The following DMD variants were observed in gnomAD, a reference collection of about 807,000 sequenced individuals.
DMD encodes the protein dystrophin.
DMD carries 63 observed loss-of-function variants against 330.1 expected under a neutral mutation model. The ratio of observed to expected loss-of-function variants is 0.19; its 90% CI spans 0.16 to 0.24. The LOEUF (loss-of-function observed/expected upper bound fraction) is 0.24. DMD is among the 10% of genes least tolerant of loss of function. The pLI, the probability that DMD is intolerant of heterozygous loss-of-function variation, is 1.00. For missense variants in DMD, 3,344 were observed against 2,684.1 expected (o/e 1.25, Z -5.43); for synonymous variants, 1,223 against 959.8 (o/e 1.27, Z -5.07).
rs749724608 is a variant in DMD, at chrX:32,977,165, T to C, written c.93+42974A>G. ...AAATACAAAAATTAACCGGGCATGG[T>C]GGCACACCCCTATAGTCCCAGCTGC... is the stretch of plus-strand genomic sequence containing the variant. On this transcript the variant is annotated intron_variant, in intron 2 of 78. Transcript: ENST00000357033. Among the ~76,000 whole-genome samples, 121 of 109,905 alleles carry C rather than the reference T, an allele frequency of 1.1e-3. 1 individual carries two copies. The highest frequency in any genetic ancestry group is 1.6e-3 in the Non-Finnish European group (85 of 52,791).
chrX:32,563,911 T>C (rs147292487), intron 16 of DMD, among the ~76,000 whole-genome samples: 1,745 of 111,680 alleles, frequency 0.016, 41 homozygotes, highest in African/African-American at 0.052. Flanking sequence ...GTTTGTTACA[T>C]AGGTAAATGT....
At chrX:32,496,256 G>T in intron 19 of DMD, among the ~76,000 whole-genome samples, 1 of 111,516 alleles carries the variant, frequency 9.0e-6, no homozygotes, top group Middle Eastern at 4.6e-3. Context: ...AGAATATTTG[G>T]AATAGAAACT....
chrX:32,365,414 A>G (rs1295084224), intron 34 of DMD, among the ~76,000 whole-genome samples: 11 of 111,092 alleles, frequency 9.9e-5, no homozygotes, highest in Non-Finnish European at 1.9e-5. Flanking sequence ...TTCATGTCTT[A>G]TTTTTCATTA....
At chrX:32,554,158 G>A (rs188224817) in intron 16 of DMD, among the ~76,000 whole-genome samples, 2 of 111,964 alleles carry the variant, frequency 1.8e-5, no homozygotes, top group East Asian at 5.7e-4. Flanking sequence ...GAAATTTATA[G>A]CACTAAATGC....
At chrX:32,402,983 GACTAA>G (rs1476480788) in intron 30 of DMD, among the ~76,000 whole-genome samples, 1 of 111,639 alleles carries the variant, frequency 9.0e-6, no homozygotes, top group Non-Finnish European at 1.9e-5. Context: ...CATACTTAGT[GACTAA>G]ACCTCAGTGG....
chrX:32,357,474 T>A (rs2097806752), intron 37 of DMD, among the ~76,000 whole-genome samples: 1 of 111,312 alleles, frequency 9.0e-6, no homozygotes, highest in South Asian at 3.8e-4. Flanking sequence ...TTCACCCAAG[T>A]GCATACAAAA....
intron 2 of DMD, among the ~76,000 whole-genome samples, chrX:32,891,745 AC>A (rs1165059916): frequency 8.9e-6 from 1 of 111,983 alleles, no homozygotes; most frequent in Non-Finnish European, 1.9e-5. Context: ...TACATTATGT[AC>A]CCATTAGTAT....
intron 2 of DMD, among the ~76,000 whole-genome samples, chrX:32,936,663 C>T (rs966297556): frequency 1.8e-5 from 2 of 111,835 alleles, no homozygotes; most frequent in South Asian, 3.7e-4. Context: ...CAAGCACATC[C>T]TCAGATAACT....
chrX:31,472,826 G>A (rs1372441564), intron 59 of DMD, among the ~76,000 whole-genome samples: 3 of 112,190 alleles, frequency 2.7e-5, no homozygotes, highest in Non-Finnish European at 3.8e-5. Context: ...GAACTTTAAA[G>A]AAAAAACTCA....
chrX:31,525,931 C>T (rs758013751), intron 55 of DMD, among the ~76,000 whole-genome samples: 6 of 112,401 alleles, frequency 5.3e-5, no homozygotes, highest in Admixed American at 9.4e-5. Context: ...GAAAAGACAA[C>T]ACCATTCTCA....
At chrX:32,694,838 T>G (rs1229033812) in intron 9 of DMD, among the ~76,000 whole-genome samples, 2 of 110,854 alleles carry the variant, frequency 1.8e-5, no homozygotes, top group East Asian at 2.8e-4. Flanking sequence ...GTATTTTTAG[T>G]AGAGATGGGG....
At chrX:32,492,870 A>G (rs1335748915) in intron 19 of DMD, among the ~76,000 whole-genome samples, 2 of 112,098 alleles carry the variant, frequency 1.8e-5, no homozygotes, top group Non-Finnish European at 3.8e-5. Context: ...GTACCTACAG[A>G]GATCTCAAAA....
chrX:31,997,566 T>C (rs1220307011), intron 44 of DMD, among the ~76,000 whole-genome samples: 1 of 111,000 alleles, frequency 9.0e-6, no homozygotes, highest in African/African-American at 3.3e-5. Context: ...CTTTTTGTAC[T>C]TTTTTAGGCC....
chrX:33,195,397 G>C (rs2050865801), intron 1 of DMD, among the ~76,000 whole-genome samples: 1 of 111,387 alleles, frequency 9.0e-6, no homozygotes, highest in Admixed American at 9.6e-5. Context: ...GCCCTGGCAT[G>C]CATGCACTAT....
At chrX:31,795,645 A>C (rs2091790030) in intron 50 of DMD, among the ~76,000 whole-genome samples, 1 of 112,227 alleles carries the variant, frequency 8.9e-6, no homozygotes, top group African/African-American at 3.2e-5. Flanking sequence ...TTGAAAGTGC[A>C]TTCTCTTTCT....
At chrX:33,198,170 A>G (rs890282211) in intron 1 of DMD, among the ~76,000 whole-genome samples, 1 of 111,008 alleles carries the variant, frequency 9.0e-6, no homozygotes. Context: ...CATTTCTTTA[A>G]TGGCTAGTGA....
At chrX:32,417,934 A>G (rs1318419770) in intron 29 of DMD, among the ~76,000 whole-genome samples, 1 of 108,902 alleles carries the variant, frequency 9.2e-6, no homozygotes, top group African/African-American at 3.4e-5. Context: ...ATTGGAGAAT[A>G]ATATAACTGA....
Position 32,365,209 on chromosome X carries a change from G to A in DMD, c.4846-10C>T, listed in dbSNP as rs2147261612. ...TCTCTTTTTGAGTAGCCTGTGAAAA[G>A]GAGAGCATTGACCTTCAAGTAATGT... On this transcript the variant is annotated splice_polypyrimidine_tract_variant and intron_variant, in intron 34 of 78. Transcript: ENST00000357033. 1 of 1,208,069 alleles carries A rather than the reference G, an allele frequency of 8.3e-7. No homozygotes were observed. The highest frequency in any genetic ancestry group is 1.1e-6 in the Non-Finnish European group (1 of 892,977).
At chrX:32,910,650 C>G (rs758869896) in intron 2 of DMD, among the ~76,000 whole-genome samples, 1 of 111,191 alleles carries the variant, frequency 9.0e-6, no homozygotes, top group African/African-American at 3.3e-5. Context: ...ACTATGTTGG[C>G]CAGGCTGGTC....
Sources: allele counts gnomAD v4.1 joint callset (sites outside exome capture counted in the v4.1 genomes callset), GRCh38; gene constraint gnomAD v4.1.1; transcripts MANE v1.5; gene names NCBI Gene and HGNC (gene_info 2026-07-23, HGNC 2026-07-21).